EXOC6: variants seen among roughly 807,000 people sequenced by gnomAD.
EXOC6 encodes exocyst complex component 6, also known as SEC15-like 1.
A neutral mutation model predicts 112.5 loss-of-function variants in EXOC6; 60 were observed. The ratio of observed to expected loss-of-function variants is 0.53; its 90% confidence interval spans 0.43 to 0.66. The LOEUF (loss-of-function observed/expected upper bound fraction) is 0.66, where lower values mean the gene tolerates loss of function less well. Among genes scored for constraint, EXOC6 ranks in the 30% least tolerant of loss-of-function variants. The pLI is 0.00. For missense variants in EXOC6, 855 were observed against 957.1 expected (o/e 0.89, Z 1.41); for synonymous variants, 295 against 308.0 (o/e 0.96, Z 0.44).
intron 5 of EXOC6, among the ~76,000 whole-genome samples, chr10:92,902,596 T>C (rs1383202994): frequency 6.6e-6 from 1 of 152,114 alleles, no homozygotes; most frequent in African/African-American, 2.4e-5. Flanking sequence ...GACTTGTACA[T>C]TTTTGTTTAT....
rs1482627539 is a variant in EXOC6, at chr10:93,011,207, G to T, written c.2096-2987G>T. On this transcript the variant is annotated intron_variant, in intron 19 of 21. Transcript: ENST00000260762. ...GGTTGAGAACCACTAGGGATTTATG[G>T]TTTTTTTTTGTGACCAAAAAAAAAA... 4.2e-5 allele frequency among the ~76,000 whole-genome samples: 6 copies of T among 142,004 alleles called. 1 individual carries two copies. The South Asian group carries it at 9.0e-4, about 21-fold the overall frequency. 93.2% of individuals were successfully genotyped at this position (142,004 alleles called of 152,430 possible). A position where few individuals can be genotyped will look rare whatever the true frequency, so the allele number is the denominator to read the frequency against.
chr10:92,955,678 T>G lies in EXOC6; in HGVS notation c.1737T>G (p.Val579=). The change falls in exon 17 of 22, where the codon GTT becomes GTG. Residue 579 remains valine, a synonymous_variant. Transcript: ENST00000260762. ...TNITNISQET[V]HTTRLYGLST... ...TTACAAATATTTCCCAAGAAACTGTTCATACTACAAGACTTTATGGACTTT... is the reference window on the plus strand; with the variant it reads ...TTACAAATATTTCCCAAGAAACTGTGCATACTACAAGACTTTATGGACTTT... 6.2e-7 allele frequency: 1 copy of G among 1,612,374 alleles called. No homozygotes were observed. The highest frequency in any genetic ancestry group is 1.1e-5 in the South Asian group (1 of 90,906).
intron 21 of EXOC6, among the ~76,000 whole-genome samples, chr10:93,057,739 A>G (rs1288704970): frequency 6.6e-6 from 1 of 152,126 alleles, no homozygotes; most frequent in African/African-American, 2.4e-5. Context: ...CTATATTTCA[A>G]AATATTTGTG....
intron 19 of EXOC6, among the ~76,000 whole-genome samples, chr10:93,006,281 A>G (rs773564889): frequency 9.2e-5 from 14 of 152,224 alleles, no homozygotes; most frequent in Non-Finnish European, 1.9e-4. Flanking sequence ...CCCCATAATA[A>G]AAGTATTAAG....
chr10:93,001,902 A>G (rs759715967), intron 19 of EXOC6, among the ~76,000 whole-genome samples: 49 of 152,344 alleles, frequency 3.2e-4, no homozygotes, highest in Middle Eastern at 6.8e-3. Context: ...AGATCCAAAA[A>G]TCTTCTCTGA....
At chr10:93,057,563 C>T (rs892387281) in intron 21 of EXOC6, among the ~76,000 whole-genome samples, 1 of 152,062 alleles carries the variant, frequency 6.6e-6, no homozygotes, top group Non-Finnish European at 1.5e-5. Flanking sequence ...ACTTTTCCCT[C>T]TCATTATGTG....
chr10:92,934,366 C>T lies in EXOC6; in HGVS notation c.1076C>T (p.Ala359Val). Residue 359 changes from alanine (A) to valine (V), a missense_variant, in exon 11 of 22, where the codon GCA becomes GTA. By Grantham distance (64) the Ala-to-Val change is moderately conservative. This residue lies in a region of EXOC6 where 450 missense variants were observed against 563.5 expected (regional missense o/e 0.80). Coordinates refer to ENST00000260762, the MANE Select transcript of EXOC6 (RefSeq NM_019053.6). ...LHVTQGLVTR[A>V]YTDELWNMAL... ...GTGACCCAAGGATTAGTAACCAGGG[C>T]ATACACTGATGAACTTTGGAACATG... 1 of 1,605,800 alleles carries T rather than the reference C, an allele frequency of 6.2e-7. No individual in the cohort carries two copies. The highest frequency in any genetic ancestry group is 2.3e-5 in the East Asian group (1 of 44,432).
chr10:92,963,323 C>T (rs1233281267), intron 17 of EXOC6, among the ~76,000 whole-genome samples: 1 of 152,114 alleles, frequency 6.6e-6, no homozygotes, highest in African/African-American at 2.4e-5. Context: ...TTACCTAATA[C>T]TTCACCTTGC....
intron 1 of EXOC6, among the ~76,000 whole-genome samples, chr10:92,865,001 C>T (rs895049938): frequency 1.3e-5 from 2 of 152,122 alleles, no homozygotes; most frequent in African/African-American, 2.4e-5. Context: ...TGTTAACATG[C>T]ATTGCATTCA....
At chr10:92,993,014 TGATAGTG>T (rs1933226529) in intron 18 of EXOC6, among the ~76,000 whole-genome samples, 1 of 137,836 alleles carries the variant, frequency 7.3e-6, no homozygotes, top group African/African-American at 2.5e-5. Context: ...TAGCAAATGA[TGATAGTG>T]AGTTTGTATA....
At chr10:93,044,486 T>C (rs1001979424) in intron 20 of EXOC6, among the ~76,000 whole-genome samples, 3 of 152,204 alleles carry the variant, frequency 2.0e-5, no homozygotes, top group Non-Finnish European at 4.4e-5. Context: ...ACAGAGATCC[T>C]TAGTTTCCTT....
At chr10:92,872,770 A>C (rs1848514491) in intron 1 of EXOC6, among the ~76,000 whole-genome samples, 1 of 152,114 alleles carries the variant, frequency 6.6e-6, no homozygotes, top group Non-Finnish European at 1.5e-5. Context: ...TGCACAAATA[A>C]TAAGTGTAAA....
At chr10:92,938,811 A>C (rs948940139) in intron 12 of EXOC6, among the ~76,000 whole-genome samples, 2 of 152,270 alleles carry the variant, frequency 1.3e-5, no homozygotes, top group East Asian at 3.9e-4. Flanking sequence ...AAGGCATCCT[A>C]ATGCAGCAAG....
upstream of EXOC6, among the ~76,000 whole-genome samples, chr10:92,834,302 G>A (rs953549714): frequency 6.6e-6 from 1 of 151,880 alleles, no homozygotes; most frequent in African/African-American, 2.4e-5. Context: ...GCATAGTTGC[G>A]GTAATAACTA....
chr10:92,989,082 T>C (rs757923617), intron 18 of EXOC6, among the ~76,000 whole-genome samples: 1 of 152,244 alleles, frequency 6.6e-6, no homozygotes, highest in African/African-American at 2.4e-5. Context: ...TTTGTAGACT[T>C]GCCTTCTTTT....
intron 9 of EXOC6, among the ~76,000 whole-genome samples, chr10:92,933,356 AG>A (rs1207278026): frequency 1.3e-5 from 2 of 152,194 alleles, no homozygotes; most frequent in Non-Finnish European, 2.9e-5. Context: ...CAACAACTGT[AG>A]GAACATATTC....
chr10:92,849,172 C>G (rs1218770839), intron 1 of EXOC6, among the ~76,000 whole-genome samples: 2 of 152,092 alleles, frequency 1.3e-5, no homozygotes, highest in Non-Finnish European at 2.9e-5. Context: ...CCTACTCCCC[C>G]GCGCGGCCGC....
At chr10:92,896,989 G>A (rs1049001501) in intron 4 of EXOC6, among the ~76,000 whole-genome samples, 1 of 152,164 alleles carries the variant, frequency 6.6e-6, no homozygotes, top group Non-Finnish European at 1.5e-5. Context: ...ATTATGTTAA[G>A]TTTCAGGGTT....
chr10:92,919,459 G>C (rs1027349327), intron 7 of EXOC6, among the ~76,000 whole-genome samples: 2 of 152,124 alleles, frequency 1.3e-5, no homozygotes, highest in East Asian at 1.9e-4. Context: ...TAACATTTCA[G>C]AATATAGGAT....
Sources: gnomAD v4.1 joint callset for allele counts (sites outside exome capture counted in the v4.1 genomes callset) on GRCh38, gnomAD v4.1.1 for gene constraint, gnomAD v4.1.1 regional missense constraint, MANE v1.5 for transcripts, NCBI Gene and HGNC (gene_info 2026-07-23, HGNC 2026-07-21) for gene names.